The following CADM2 variants were observed in gnomAD, a reference collection of about 807,000 sequenced individuals.
CADM2 encodes the protein immunoglobulin superfamily member 4D.
A neutral mutation model predicts 49.8 loss-of-function variants in CADM2; 12 were observed. That is an observed-to-expected ratio of 0.24 (90% CI 0.15 to 0.39). The LOEUF (loss-of-function observed/expected upper bound fraction) is 0.39, where lower values mean the gene tolerates loss of function less well. CADM2 is among the 10% of genes least tolerant of loss of function. The pLI is 1.00. For missense variants in CADM2, 378 were observed against 492.3 expected, an observed-to-expected ratio of 0.77 and a Z score of 2.20; for synonymous variants, 214 against 175.4, an observed-to-expected ratio of 1.22 and a Z score of -1.74.
intron 8 of CADM2, among the ~76,000 whole-genome samples, chr3:86,049,299 G>A (rs1244308500): frequency 6.7e-6 from 1 of 148,406 alleles, no homozygotes; most frequent in African/African-American, 2.5e-5. Flanking sequence ...TTTTGAGACA[G>A]AGTCTCACTC....
chr3:85,087,120 T>A (rs1333877240), intron 1 of CADM2, among the ~76,000 whole-genome samples: 1 of 152,112 alleles, frequency 6.6e-6, no homozygotes, highest in Admixed American at 6.6e-5. Context: ...AAACTTCTGA[T>A]GACAGCAGAA....
chr3:85,593,920 A>T (rs2063176110), intron 1 of CADM2, among the ~76,000 whole-genome samples: 1 of 151,956 alleles, frequency 6.6e-6, no homozygotes, highest in South Asian at 2.1e-4. Context: ...ATTTCTGTTA[A>T]TCATTAGACA....
At chr3:85,359,666 A>ATATATATATATATATATATTTTTTTTTT in intron 1 of CADM2, among the ~76,000 whole-genome samples, 4 of 26,554 alleles carry the variant, frequency 1.5e-4, no homozygotes, top group African/African-American at 2.1e-4. Context: ...ATATATATAT[A>ATATATATATATATATATATTTTTTTTTT]TTTTTTTTTT....
chr3:85,205,889 A>G (rs2041618803), intron 1 of CADM2, among the ~76,000 whole-genome samples: 1 of 152,168 alleles, frequency 6.6e-6, no homozygotes, highest in African/African-American at 2.4e-5. Context: ...GAATCTCCAT[A>G]GTATATAATT....
In CADM2 at chr3:85,370,215, A is replaced by AAATAATAATAAT. The variant is rs142588684; in HGVS notation, c.62-356274_62-356263dup. Among the ~76,000 whole-genome samples the AAATAATAATAAT allele has an allele frequency of 3.3e-3, 451 of 135,156 alleles. 2 individuals are homozygous for AAATAATAATAAT. Among genetic ancestry groups the AAATAATAATAAT allele is most frequent in the Admixed American group, 4.7e-3 (61 of 13,084 alleles). The allele number at this position is 135,156 out of a possible 152,430, so 88.7% of individuals were successfully genotyped here. ...GACACAAGAACGAAACTCCTTTTCA[A>AAATAATAATAAT]AATAATAATAATAATAATAATAATA... is the stretch of plus-strand genomic sequence containing the variant. On this transcript the variant is annotated intron_variant, in intron 1 of 9. Coordinates refer to ENST00000383699, the MANE Select transcript of CADM2 (RefSeq NM_001167675.2).
intron 3 of CADM2, among the ~76,000 whole-genome samples, chr3:85,806,723 AG>A (rs2072449233): frequency 6.6e-6 from 1 of 152,060 alleles, no homozygotes; most frequent in Non-Finnish European, 1.5e-5. Flanking sequence ...TGATAGAGTG[AG>A]GCTCTGTCTC....
chr3:85,626,143 T>G (rs2064124801), intron 1 of CADM2, among the ~76,000 whole-genome samples: 1 of 152,056 alleles, frequency 6.6e-6, no homozygotes, highest in Non-Finnish European at 1.5e-5. Flanking sequence ...AATGAAGTAT[T>G]ATTTTATACA....
chr3:85,377,101 T>C (rs1006488641), intron 1 of CADM2, among the ~76,000 whole-genome samples: 3 of 152,154 alleles, frequency 2.0e-5, no homozygotes, highest in African/African-American at 7.2e-5. Flanking sequence ...GAGCTTATAC[T>C]AATGAACATG....
intron 1 of CADM2, among the ~76,000 whole-genome samples, chr3:85,101,911 C>T (rs111360961): frequency 2.0e-5 from 3 of 152,116 alleles, no homozygotes; most frequent in Non-Finnish European, 2.9e-5. Context: ...AAGATGACAC[C>T]CACAGTGTGT....
intron 1 of CADM2, among the ~76,000 whole-genome samples, chr3:85,545,323 CT>C (rs1343637500): frequency 1.3e-5 from 2 of 152,156 alleles, no homozygotes; most frequent in Non-Finnish European, 2.9e-5. Flanking sequence ...GTTCCATGCA[CT>C]GTGTTATGTG....
chr3:85,636,674 G>A (rs1284109057), intron 1 of CADM2, among the ~76,000 whole-genome samples: 2 of 152,016 alleles, frequency 1.3e-5, no homozygotes, highest in Non-Finnish European at 1.5e-5. Context: ...GCCCCATTTC[G>A]CTAAGTGCCC....
chr3:85,963,590 A>T (rs956246156), intron 8 of CADM2, among the ~76,000 whole-genome samples: 4 of 151,948 alleles, frequency 2.6e-5, no homozygotes, highest in Non-Finnish European at 4.4e-5. Context: ...AGCATGTCAC[A>T]TTGTGTCAAA....
In CADM2 at chr3:85,910,423, A is replaced by T. The variant is rs764509240; in HGVS notation, c.530-1950A>T. ...GAAAGAACCTTATAATATTTTAAAT[A>T]TAAGCAAAGAATCATAAATGCATCT... On this transcript the variant is annotated intron_variant, in intron 5 of 9. Coordinates refer to ENST00000383699, the MANE Select transcript of CADM2 (RefSeq NM_001167675.2). 1.1e-4 allele frequency among the ~76,000 whole-genome samples: 17 copies of T among 152,266 alleles called. 1 individual carries two copies. Among genetic ancestry groups the T allele is most frequent in the African/African-American group, 3.8e-4 (16 of 41,580 alleles).
chr3:85,885,098 AT>A (rs1205804574), intron 4 of CADM2, among the ~76,000 whole-genome samples: 2 of 152,136 alleles, frequency 1.3e-5, no homozygotes, highest in Non-Finnish European at 2.9e-5. Context: ...AAGTTAAATT[AT>A]AATTTGTTAA....
chr3:84,970,863 T>C (rs540970838), intron 1 of CADM2, among the ~76,000 whole-genome samples: 3 of 151,982 alleles, frequency 2.0e-5, no homozygotes, highest in African/African-American at 7.2e-5. Flanking sequence ...CAGAGACTAG[T>C]GAATTAAAGG....
chr3:85,787,958 T>G (rs964116249), intron 2 of CADM2, among the ~76,000 whole-genome samples: 11 of 152,256 alleles, frequency 7.2e-5, no homozygotes, highest in Admixed American at 2.6e-4. Flanking sequence ...CATTAGCTGA[T>G]TTACTTTTTG....
intron 1 of CADM2, among the ~76,000 whole-genome samples, chr3:85,007,982 G>A (rs2033819023): frequency 6.6e-6 from 1 of 152,118 alleles, no homozygotes; most frequent in African/African-American, 2.4e-5. Context: ...GAGTAGAATT[G>A]GATGGTCCAG....
chr3:85,964,768 C>G (rs1418159005), intron 8 of CADM2, among the ~76,000 whole-genome samples: 1 of 151,728 alleles, frequency 6.6e-6, no homozygotes, highest in African/African-American at 2.4e-5. Context: ...ATTTTATGAA[C>G]AAGCTTGGCA....
intron 6 of CADM2, among the ~76,000 whole-genome samples, chr3:85,916,741 C>G (rs1023102024): frequency 2.0e-5 from 3 of 151,886 alleles, no homozygotes; most frequent in South Asian, 2.1e-4. Context: ...CCTGAGGAAT[C>G]ACCACACTGA....
Sources: allele counts gnomAD v4.1 joint callset (sites outside exome capture counted in the v4.1 genomes callset), GRCh38; gene constraint gnomAD v4.1.1; transcripts MANE v1.5; gene names NCBI Gene and HGNC (gene_info 2026-07-23, HGNC 2026-07-21).